EGFLAM: variants seen among roughly 807,000 people sequenced by gnomAD.
EGFLAM encodes EGF like, fibronectin type III and laminin G domains, also known as pikachurin.
Under a neutral mutation model 113.1 loss-of-function variants are expected in EGFLAM, and 79 were observed. The observed-to-expected ratio is 0.70, with a 90% confidence interval of 0.58 to 0.84. The LOEUF (loss-of-function observed/expected upper bound fraction) is 0.84. Ranked by LOEUF, EGFLAM falls within the 40% of genes least tolerant of loss-of-function variation. The probability of loss-of-function intolerance (pLI) is 0.00; values close to 1 mark genes in which losing one functional copy is unlikely to be tolerated. For synonymous variants in EGFLAM, 504 were observed against 487.6 expected, an observed-to-expected ratio of 1.03 and a Z score of -0.44; for missense variants, 1,265 against 1,291.6, an observed-to-expected ratio of 0.98 and a Z score of 0.32.
intron 5 of EGFLAM, among the ~76,000 whole-genome samples, chr5:38,358,855 C>T (rs375781085): frequency 7.9e-5 from 12 of 152,122 alleles, no homozygotes; most frequent in African/African-American, 2.4e-4. Flanking sequence ...TCTGAGTAAG[C>T]CTTCAGGCTG....
rs2561111 is a variant in EGFLAM at position 38,350,541 on chromosome 5, G to A, written c.332G>A (p.Arg111His). 153,249 of 1,613,738 alleles carry A rather than the reference G, an allele frequency of 0.095. 7,639 individuals are homozygous for A. Among genetic ancestry groups the A allele is most frequent in the East Asian group, 0.14 (6,177 of 44,840 alleles). The change falls in exon 4 of 22, where the codon CGT becomes CAT. Residue 111 changes from arginine to histidine, a missense_variant. Transcript: ENST00000322350. ...GATTTGAAACCAGGCACTGAATATC[G>A]TGTGAGCATAGCAGCTTACAGCCAG... ...IGDLKPGTEY[R>H]VSIAAYSQAG...
chr5:38,342,851 C>G (rs775268363), intron 3 of EGFLAM, among the ~76,000 whole-genome samples: 3 of 152,032 alleles, frequency 2.0e-5, no homozygotes, highest in Non-Finnish European at 4.4e-5. Flanking sequence ...ATATTATGTA[C>G]ATTATAAAAT....
intron 12 of EGFLAM, among the ~76,000 whole-genome samples, chr5:38,424,764 G>A (rs1448785032): frequency 2.0e-5 from 3 of 152,100 alleles, no homozygotes; most frequent in African/African-American, 7.2e-5. Context: ...TCTTCATACA[G>A]GACAAACCAA....
chr5:38,268,284 G>A (rs1757681750), intron 1 of EGFLAM, among the ~76,000 whole-genome samples: 1 of 152,130 alleles, frequency 6.6e-6, no homozygotes, highest in South Asian at 2.1e-4. Flanking sequence ...GCCCACCTCA[G>A]CTGTCTTCCT....
chr5:38,371,616 A>T (rs1185219420), intron 6 of EGFLAM, among the ~76,000 whole-genome samples: 1 of 151,076 alleles, frequency 6.6e-6, no homozygotes, highest in African/African-American at 2.4e-5. Context: ...ACATGCGCAC[A>T]CACACATACA....
In EGFLAM at chr5:38,343,684, G is replaced by C. The variant is rs141621395; in HGVS notation, c.291+4903G>C. ...CTGCACAGCCGTCCTCAGTGCATTGGAGGAAGGATGCTTGGAAGATAGCAC... is the reference window on the plus strand; with the variant it reads ...CTGCACAGCCGTCCTCAGTGCATTGCAGGAAGGATGCTTGGAAGATAGCAC... On this transcript the variant is annotated intron_variant, in intron 3 of 21. Transcript: ENST00000322350. Among the ~76,000 whole-genome samples, 618 of 152,286 alleles carry C rather than the reference G, an allele frequency of 4.1e-3. 9 individuals carry two copies. Among genetic ancestry groups the C allele is most frequent in the African/African-American group, 0.014 (589 of 41,554 alleles).
At chr5:38,355,977 C>T (rs761519637) in intron 5 of EGFLAM, among the ~76,000 whole-genome samples, 11 of 152,180 alleles carry the variant, frequency 7.2e-5, no homozygotes, top group Admixed American at 3.3e-4. Flanking sequence ...TCAGGCTGGT[C>T]TCAAACTCCT....
chr5:38,283,493 C>T (rs1250750934), intron 1 of EGFLAM, among the ~76,000 whole-genome samples: 1 of 152,116 alleles, frequency 6.6e-6, no homozygotes, highest in Non-Finnish European at 1.5e-5. Context: ...CTGCTATGTG[C>T]CAGGCACTGG....
At chr5:38,414,546 A>G (rs1237001610) in intron 11 of EGFLAM, among the ~76,000 whole-genome samples, 1 of 152,194 alleles carries the variant, frequency 6.6e-6, no homozygotes, top group African/African-American at 2.4e-5. Flanking sequence ...TATTCTGGTG[A>G]CTATGTGATA....
intron 1 of EGFLAM, among the ~76,000 whole-genome samples, chr5:38,304,377 G>A (rs1758672552): frequency 6.6e-6 from 1 of 152,146 alleles, no homozygotes; most frequent in South Asian, 2.1e-4. Context: ...CAAAAGACTA[G>A]TTAAAAGCAA....
chr5:38,418,040 T>A (rs1204283056), intron 11 of EGFLAM, 26 bp from the exon 12 acceptor site: 1 of 1,599,304 alleles, frequency 6.3e-7, no homozygotes, highest in African/African-American at 1.3e-5. Flanking sequence ...AGTGAGAGTA[T>A]TCATGAGTGG....
At position 38,404,277 on chromosome 5, in the gene EGFLAM, G is replaced by T. The variant is rs184258794; in HGVS notation, c.713-1849G>T. 5.3e-5 allele frequency among the ~76,000 whole-genome samples: 8 copies of T among 152,264 alleles called. No individual in the cohort carries two copies. The East Asian group carries it at 1.5e-3, about 29-fold the overall frequency. On this transcript the variant is annotated intron_variant, in intron 6 of 21. Coordinates refer to ENST00000322350, the MANE Select transcript of EGFLAM (RefSeq NM_152403.4). ...TTGAAATCCTAACCCCCAAGGAGGG[G>T]CCTTTGGGAGGTACTTAGATCATAA... is the stretch of plus-strand genomic sequence containing the variant.
chr5:38,375,092 CT>C (rs1156769694), intron 6 of EGFLAM, among the ~76,000 whole-genome samples: 1 of 117,494 alleles, frequency 8.5e-6, no homozygotes, highest in African/African-American at 3.3e-5. Context: ...TGTGCAGAAA[CT>C]TTTTAGTTTA....
chr5:38,403,972 G>A (rs2112119085), intron 6 of EGFLAM: 2 of 1,610,580 alleles, frequency 1.2e-6, no homozygotes, highest in East Asian at 2.2e-5. Context: ...TGGTGTGGAA[G>A]GGATGAGAAC....
intron 6 of EGFLAM, among the ~76,000 whole-genome samples, chr5:38,376,463 A>C (rs1434328720): frequency 1.3e-5 from 2 of 152,240 alleles, no homozygotes; most frequent in East Asian, 3.8e-4. Flanking sequence ...GAGAAAGAAC[A>C]AATACATTCT....
chr5:38,261,304 A>C (rs1757493908), intron 1 of EGFLAM, among the ~76,000 whole-genome samples: 1 of 152,236 alleles, frequency 6.6e-6, no homozygotes, highest in Non-Finnish European at 1.5e-5. Flanking sequence ...CAAGACTTAC[A>C]AGAAATGACA....
chr5:38,457,097 A>G (rs1743111900), intron 19 of EGFLAM, among the ~76,000 whole-genome samples: 1 of 152,232 alleles, frequency 6.6e-6, no homozygotes, highest in Non-Finnish European at 1.5e-5. Context: ...GGAAGCCACT[A>G]GAGAAACCTG....
At chr5:38,417,078 G>T (rs1217501986) in intron 11 of EGFLAM, among the ~76,000 whole-genome samples, 1 of 152,168 alleles carries the variant, frequency 6.6e-6, no homozygotes, top group African/African-American at 2.4e-5. Flanking sequence ...ACCAGGCCGG[G>T]CGTGGTAGCT....
intron 15 of EGFLAM, 89 bp from the exon 16 acceptor site, chr5:38,435,048 G>C: frequency 9.1e-7 from 1 of 1,094,412 alleles, no homozygotes; most frequent in Non-Finnish European, 1.4e-6. Flanking sequence ...CTACCATTTT[G>C]TTCCCCAACA....
Sources: gnomAD v4.1 joint callset for allele counts (sites outside exome capture counted in the v4.1 genomes callset) on GRCh38, gnomAD v4.1.1 for gene constraint, MANE v1.5 for transcripts, NCBI Gene and HGNC (gene_info 2026-07-23, HGNC 2026-07-21) for gene names.